The following ZSWIM6 variants were observed in gnomAD, a reference collection of about 807,000 sequenced individuals.
ZSWIM6 encodes the protein zinc finger SWIM domain-containing protein 6.
ZSWIM6 carries 9 observed loss-of-function variants against 113.2 expected under a neutral mutation model. The ratio of observed to expected loss-of-function variants is 0.08; its 90% CI spans 0.05 to 0.14. ZSWIM6 has a LOEUF of 0.14. ZSWIM6 is among the 10% of genes least tolerant of loss of function. ZSWIM6 has a pLI of 1.00. For missense variants in ZSWIM6, 1,162 were observed against 1,552.2 expected (o/e 0.75, Z 4.22); for synonymous variants, 611 against 606.5 (o/e 1.01, Z -0.11).
At chr5:61,467,175 G>A (rs534788129) in intron 1 of ZSWIM6, among the ~76,000 whole-genome samples, 3 of 152,128 alleles carry the variant, frequency 2.0e-5, no homozygotes, top group Non-Finnish European at 2.9e-5. Flanking sequence ...TGCCCATAGC[G>A]CTTTTGCTTA....
chr5:61,534,066 A>G (rs1157628635), intron 9 of ZSWIM6, among the ~76,000 whole-genome samples: 1 of 152,198 alleles, frequency 6.6e-6, no homozygotes, highest in Non-Finnish European at 1.5e-5. Flanking sequence ...TTTGGATACA[A>G]TTACATTGGG....
At chr5:61,541,150 G>A (rs1749725805) in intron 12 of ZSWIM6, among the ~76,000 whole-genome samples, 3 of 151,858 alleles carry the variant, frequency 2.0e-5, no homozygotes, top group South Asian at 4.1e-4. Flanking sequence ...CACCATATTG[G>A]CCAGGCTGGT....
intron 1 of ZSWIM6, among the ~76,000 whole-genome samples, chr5:61,423,896 C>T (rs1298096277): frequency 6.6e-6 from 1 of 152,214 alleles, no homozygotes; most frequent in African/African-American, 2.4e-5. Context: ...TTTTATCCCT[C>T]AAAAGCCACC....
chr5:61,536,126 A>G (rs1442026674), intron 10 of ZSWIM6, among the ~76,000 whole-genome samples: 1 of 152,242 alleles, frequency 6.6e-6, no homozygotes, highest in African/African-American at 2.4e-5. Context: ...TGCATTTAGC[A>G]GTGAAGGAGT....
Position 61,332,830 on chromosome 5 carries a change from C to A in ZSWIM6, c.558C>A (p.Ala186=). ...AAAAAAAAAG[A]GAPSVGAAGA... ...CCGCCGCCGCCGCCGCCGCGGGGGC[C>A]GGGGCCCCGTCGGTGGGGGCTGCCG... Residue 186 remains alanine, a synonymous_variant, in exon 1 of 14, where the codon GCC becomes GCA. Coordinates refer to ENST00000252744, the MANE Select transcript of ZSWIM6 (RefSeq NM_020928.2). 1 of 988,430 alleles carries A rather than the reference C, an allele frequency of 1.0e-6. No individual in the cohort carries two copies. 61.2% of individuals were successfully genotyped at this position (988,430 alleles called of 1,614,324 possible). A position where few individuals can be genotyped will look rare whatever the true frequency, so the allele number is the denominator to read the frequency against.
At chr5:61,507,833 G>GA (rs1198005117) in intron 4 of ZSWIM6, among the ~76,000 whole-genome samples, 2 of 152,094 alleles carry the variant, frequency 1.3e-5, no homozygotes, top group Non-Finnish European at 2.9e-5. Context: ...ATTATATGCT[G>GA]AAATATGAGG....
At chr5:61,527,541 T>C (rs531402507) in intron 7 of ZSWIM6, among the ~76,000 whole-genome samples, 3 of 152,326 alleles carry the variant, frequency 2.0e-5, no homozygotes, top group African/African-American at 7.2e-5. Flanking sequence ...AGAGCCCCGA[T>C]TGTCGTGACT....
At chr5:61,405,046 C>T (rs1041384697) in intron 1 of ZSWIM6, among the ~76,000 whole-genome samples, 1 of 152,148 alleles carries the variant, frequency 6.6e-6, no homozygotes, top group Non-Finnish European at 1.5e-5. Flanking sequence ...GCCATAAATA[C>T]GAAGGGTTTC....
At position 61,531,613 on chromosome 5, in the gene ZSWIM6, A is replaced by C. The variant is rs780841383; in HGVS notation, c.2133A>C (p.Thr711=). Residue 711 remains threonine (T), a synonymous_variant, in exon 9 of 14, where the codon ACA becomes ACC. Coordinates refer to ENST00000252744, the MANE Select transcript of ZSWIM6 (RefSeq NM_020928.2). ...QQRIMPDGLY[T]QEKVCRNEEQ... is the part of the protein sequence containing the mutation. ...GTATCATGCCTGATGGGCTGTACAC[A>C]CAAGAGAAAGTTTGCCGGAATGAGG... 1.9e-6 allele frequency: 3 copies of C among 1,551,560 alleles called. No individual in the cohort carries two copies. Among genetic ancestry groups the C allele is most frequent in the Non-Finnish European group, 2.6e-6 (3 of 1,146,982 alleles).
intron 5 of ZSWIM6, among the ~76,000 whole-genome samples, chr5:61,525,429 C>T (rs1749249384): frequency 6.6e-6 from 1 of 152,172 alleles, no homozygotes; most frequent in Non-Finnish European, 1.5e-5. Flanking sequence ...CCCATAAGGG[C>T]AGCCCACCAC....
chr5:61,346,227 G>C (rs750994487), intron 1 of ZSWIM6, among the ~76,000 whole-genome samples: 5 of 152,142 alleles, frequency 3.3e-5, no homozygotes, highest in Non-Finnish European at 5.9e-5. Context: ...TGGAATTATA[G>C]GCGGTAGCCA....
At chr5:61,336,942 CAT>C (rs1744412134) in intron 1 of ZSWIM6, among the ~76,000 whole-genome samples, 1 of 152,104 alleles carries the variant, frequency 6.6e-6, no homozygotes, top group Non-Finnish European at 1.5e-5. Flanking sequence ...GAGAGGAAGA[CAT>C]GTAGATGGCC....
intron 1 of ZSWIM6, among the ~76,000 whole-genome samples, chr5:61,397,750 A>T (rs1310326608): frequency 6.6e-6 from 1 of 152,148 alleles, no homozygotes; most frequent in Non-Finnish European, 1.5e-5. Context: ...TCTGAAGGGG[A>T]TGGAGTCCTT....
chr5:61,413,420 C>G (rs967132383), intron 1 of ZSWIM6, among the ~76,000 whole-genome samples: 10 of 152,028 alleles, frequency 6.6e-5, no homozygotes, highest in African/African-American at 2.4e-4. Flanking sequence ...TCCAGTCTAT[C>G]ATTGTTGGAC....
At chr5:61,357,764 C>T (rs1271579236) in intron 1 of ZSWIM6, among the ~76,000 whole-genome samples, 1 of 151,098 alleles carries the variant, frequency 6.6e-6, no homozygotes, top group Non-Finnish European at 1.5e-5. Flanking sequence ...ATAATCATAG[C>T]TTTATGAAAA....
At chr5:61,377,008 T>C (rs1745386099) in intron 1 of ZSWIM6, among the ~76,000 whole-genome samples, 1 of 140,266 alleles carries the variant, frequency 7.1e-6, no homozygotes, top group Admixed American at 7.2e-5. Flanking sequence ...ATTGCCAGAA[T>C]CTTAGTAAAT....
intron 1 of ZSWIM6, among the ~76,000 whole-genome samples, chr5:61,418,529 G>A (rs1357457822): frequency 6.6e-6 from 1 of 152,070 alleles, no homozygotes; most frequent in Admixed American, 6.6e-5. Flanking sequence ...AAAGTGCCGG[G>A]ATTACAGGTG....
At chr5:61,360,191 T>C (rs933240045) in intron 1 of ZSWIM6, among the ~76,000 whole-genome samples, 2 of 152,038 alleles carry the variant, frequency 1.3e-5, no homozygotes, top group African/African-American at 4.8e-5. Flanking sequence ...AGCCTACAGT[T>C]ATCTGTTGCT....
intron 1 of ZSWIM6, among the ~76,000 whole-genome samples, chr5:61,367,656 T>C (rs1036341546): frequency 7.2e-5 from 11 of 152,096 alleles, no homozygotes; most frequent in African/African-American, 2.4e-4. Context: ...AGTCAGAGTC[T>C]GGAGTCTATG....
Sources: gnomAD v4.1 joint callset for allele counts (sites outside exome capture counted in the v4.1 genomes callset) on GRCh38, gnomAD v4.1.1 for gene constraint, MANE v1.5 for transcripts, NCBI Gene and HGNC (gene_info 2026-07-23, HGNC 2026-07-21) for gene names.